CDK14: variants seen among roughly 807,000 people sequenced by gnomAD.
The protein encoded by CDK14 is cyclin dependent kinase 14, also known as cyclin-dependent kinase 14.
A neutral mutation model predicts 60.7 loss-of-function variants in CDK14; 34 were observed. The ratio of observed to expected loss-of-function variants is 0.56; its 90% CI spans 0.43 to 0.75. CDK14 has a LOEUF of 0.75. Ranked by LOEUF, CDK14 falls within the 30% of genes least tolerant of loss-of-function variation. The pLI is 0.00. For missense variants in CDK14, 482 were observed against 564.1 expected, an observed-to-expected ratio of 0.85 and a Z score of 1.47; for synonymous variants, 197 against 203.7, an observed-to-expected ratio of 0.97 and a Z score of 0.28.
At chr7:91,179,410 C>T (rs1164410091) in intron 14 of CDK14, among the ~76,000 whole-genome samples, 3 of 149,866 alleles carry the variant, frequency 2.0e-5, no homozygotes, top group Non-Finnish European at 4.4e-5. Context: ...TGCTAGATGA[C>T]GAGTTAGTGG....
intron 14 of CDK14, among the ~76,000 whole-genome samples, chr7:91,173,581 G>C (rs973226502): frequency 6.6e-6 from 1 of 151,878 alleles, no homozygotes; most frequent in African/African-American, 2.4e-5. Flanking sequence ...GACAGTGGGC[G>C]CAGGTCAGTG....
chr7:90,702,482 G>A (rs1274848448), intron 2 of CDK14, among the ~76,000 whole-genome samples: 1 of 152,032 alleles, frequency 6.6e-6, no homozygotes, highest in African/African-American at 2.4e-5. Flanking sequence ...ATTGAAGAGC[G>A]ATGCACACAT....
chr7:90,670,373 A>G (rs996147591), intron 2 of CDK14, among the ~76,000 whole-genome samples: 2 of 152,206 alleles, frequency 1.3e-5, no homozygotes, highest in African/African-American at 4.8e-5. Context: ...GACTGAAACT[A>G]TAATCTTGAT....
chr7:90,893,376 G>T, intron 6 of CDK14, among the ~76,000 whole-genome samples: 1 of 152,154 alleles, frequency 6.6e-6, no homozygotes, highest in Non-Finnish European at 1.5e-5. Context: ...GTTACCAGGG[G>T]TCTAGTCTAT....
In CDK14 at chr7:91,209,735, C is replaced by T. The variant is rs931742284; in HGVS notation, c.*2599C>T. On this transcript the variant is annotated 3_prime_UTR_variant, in exon 15 of 15. Coordinates refer to ENST00000380050, the MANE Select transcript of CDK14 (RefSeq NM_001287135.2). ...CTTAATTCCCATTTTCTTAAAATAA[C>T]AGTTTTGTTGACTTAAAAATATGAG... is the stretch of plus-strand genomic sequence containing the variant. 6.6e-6 allele frequency: 1 copy of T among 152,518 alleles called. No individual in the cohort carries two copies. Among genetic ancestry groups the T allele is most frequent in the South Asian group, 2.1e-4 (1 of 4,822 alleles). The allele number at this position is 152,518 out of a possible 1,614,324, so 9.4% of individuals were successfully genotyped here. A position where few individuals can be genotyped will look rare whatever the true frequency, so the allele number is the denominator to read the frequency against.
chr7:91,173,441 G>A (rs371188959), intron 14 of CDK14, among the ~76,000 whole-genome samples: 19 of 132,132 alleles, frequency 1.4e-4, no homozygotes, highest in African/African-American at 2.8e-4. Flanking sequence ...AAAAAAAAAA[G>A]GTGGGGAGGA....
chr7:90,795,151 A>G (rs1211391652), intron 5 of CDK14, among the ~76,000 whole-genome samples: 1 of 152,222 alleles, frequency 6.6e-6, no homozygotes, highest in African/African-American at 2.4e-5. Context: ...ATATATACCA[A>G]ACTATCTAGG....
intron 2 of CDK14, among the ~76,000 whole-genome samples, chr7:90,668,699 C>CTTTTTT (rs59773768): frequency 1.1e-5 from 1 of 87,538 alleles, no homozygotes; most frequent in Non-Finnish European, 2.2e-5. Flanking sequence ...GACTCGCATT[C>CTTTTTT]TTTTTTTTTT....
At chr7:91,155,776 A>G (rs919637764) in intron 14 of CDK14, among the ~76,000 whole-genome samples, 1 of 152,226 alleles carries the variant, frequency 6.6e-6, no homozygotes, top group Admixed American at 6.5e-5. Flanking sequence ...CCCATTAACA[A>G]GATTTCTGTT....
chr7:90,832,401 G>A (rs998763206), intron 5 of CDK14, among the ~76,000 whole-genome samples: 11 of 152,128 alleles, frequency 7.2e-5, no homozygotes, highest in African/African-American at 2.7e-4. Flanking sequence ...AGACCCCAAT[G>A]AGAACACTGT....
chr7:91,014,886 T>TC (rs1271774678), intron 10 of CDK14, among the ~76,000 whole-genome samples: 4 of 152,320 alleles, frequency 2.6e-5, no homozygotes, highest in Non-Finnish European at 5.9e-5. Flanking sequence ...AACTGTGAAA[T>TC]CCCCTTTCAG....
At chr7:90,604,605 G>A (rs531119529) in intron 2 of CDK14, among the ~76,000 whole-genome samples, 1 of 152,274 alleles carries the variant, frequency 6.6e-6, no homozygotes, top group Non-Finnish European at 1.5e-5. Context: ...GCTCACCATG[G>A]CTCCTTGCAG....
At chr7:90,738,105 G>A (rs1177458256) in intron 3 of CDK14, among the ~76,000 whole-genome samples, 1 of 148,222 alleles carries the variant, frequency 6.7e-6, no homozygotes, top group African/African-American at 2.5e-5. Flanking sequence ...TGTGGGTGAG[G>A]GTTAGGACTC....
Position 91,103,842 on chromosome 7 carries a change from GAA to G in CDK14, c.1155-8698_1155-8697del, listed in dbSNP as rs368267381. On this transcript the variant is annotated intron_variant, in intron 12 of 14. Coordinates refer to ENST00000380050, the MANE Select transcript of CDK14 (RefSeq NM_001287135.2). ...AAGGAGACCGAGAGAGAGAGAGAGA[GAA>G]AGAGAGAGAGAGAGAGAGAGAGAGT... Among the ~76,000 whole-genome samples, 1,123 of 149,076 alleles carry G rather than the reference GAA, an allele frequency of 7.5e-3. 4 individuals carry two copies. Among genetic ancestry groups the G allele is most frequent in the Middle Eastern group, 0.017 (5 of 288 alleles).
rs1158820808 is a variant in CDK14 at position 90,676,997 on chromosome 7, A to C, written c.124-49570A>C. Among the ~76,000 whole-genome samples the C allele has an allele frequency of 3.3e-5, 5 of 151,882 alleles. No homozygotes were observed. In the East Asian group the frequency reaches 9.7e-4, roughly 29 times the overall value. ...TTCTGATAGCTTGAAGAATGAAGGG[A>C]AGTAATGATGTATGCAAGTTTACCA... On this transcript the variant is annotated intron_variant, in intron 2 of 14. Transcript: ENST00000380050.
chr7:90,817,981 C>T (rs1789411351), intron 5 of CDK14, among the ~76,000 whole-genome samples: 1 of 152,166 alleles, frequency 6.6e-6, no homozygotes, highest in African/African-American at 2.4e-5. Flanking sequence ...CAGACAGATT[C>T]ACACCTAAGC....
rs10161550 is a variant in CDK14, at chr7:91,076,973, A to G, written c.1106-2459A>G. Among the ~76,000 whole-genome samples, 1,233 of 152,326 alleles carry G rather than the reference A, an allele frequency of 8.1e-3. 19 individuals are homozygous for G. The highest frequency in any genetic ancestry group is 0.027 in the African/African-American group (1,137 of 41,582). Reference sequence around the variant, plus strand: ...ACCATCTCATGCCTGTCAGAATGGCAATTATTAAAAAGTCAAGATACAGTA... The same window carrying G: ...ACCATCTCATGCCTGTCAGAATGGCGATTATTAAAAAGTCAAGATACAGTA... On this transcript the variant is annotated intron_variant, in intron 11 of 14. Transcript: ENST00000380050.
chr7:90,901,674 G>GTATATATATATA (rs10646692), intron 7 of CDK14, among the ~76,000 whole-genome samples: 14 of 148,284 alleles, frequency 9.4e-5, no homozygotes, highest in African/African-American at 3.5e-4. Flanking sequence ...AGCTTTATAT[G>GTATATATATATA]TATATATATA....
chr7:90,848,025 G>A lies in CDK14; in HGVS notation c.545-15150G>A, dbSNP rs538200077. ...TTCTGAGTTTCATGCATTAATTAAC[G>A]TTTATCTCTGCCTTCCTCCCATTCT... On this transcript the variant is annotated intron_variant, in intron 5 of 14. Transcript: ENST00000380050. Among the ~76,000 whole-genome samples the A allele has an allele frequency of 3.3e-4, 50 of 152,124 alleles. No homozygotes were observed. The South Asian group carries it at 4.8e-3, about 15-fold the overall frequency.
Sources: gnomAD v4.1 joint callset for allele counts (sites outside exome capture counted in the v4.1 genomes callset) on GRCh38, gnomAD v4.1.1 for gene constraint, MANE v1.5 for transcripts, NCBI Gene and HGNC (gene_info 2026-07-23, HGNC 2026-07-21) for gene names.